APBB2: variants seen among roughly 807,000 people sequenced by gnomAD.
APBB2 encodes Fe65-like 1.
In APBB2, 38 loss-of-function variants were observed where a neutral mutation model predicts 82.5. The observed-to-expected ratio is 0.46, with a 90% CI of 0.36 to 0.60. The LOEUF (loss-of-function observed/expected upper bound fraction) is 0.60. Ranked by LOEUF, APBB2 falls within the 20% of genes least tolerant of loss-of-function variation. The probability of loss-of-function intolerance (pLI) is 0.00; values close to 1 mark genes in which losing one functional copy is unlikely to be tolerated. For missense variants in APBB2, 772 were observed against 972.3 expected (o/e 0.79, Z 2.74); for synonymous variants, 341 against 368.2 (o/e 0.93, Z 0.85).
intron 6 of APBB2, among the ~76,000 whole-genome samples, chr4:40,992,712 A>C (rs1264189307): frequency 6.6e-6 from 1 of 152,154 alleles, no homozygotes; most frequent in Non-Finnish European, 1.5e-5. Flanking sequence ...CAGGAGTATC[A>C]CGAGCAGAAG....
At chr4:41,074,480 C>A (rs1302258456) in intron 3 of APBB2, among the ~76,000 whole-genome samples, 1 of 151,990 alleles carries the variant, frequency 6.6e-6, no homozygotes, top group African/African-American at 2.4e-5. Context: ...CAGGAACCTG[C>A]AAATAGAAAG....
intron 16 of APBB2, 131 bp downstream of exon 16, chr4:40,823,513 A>C: frequency 1.5e-6 from 1 of 654,650 alleles, no homozygotes; most frequent in Non-Finnish European, 2.7e-6. Context: ...CAAATCTTTC[A>C]AATGTAGGCC....
chr4:40,958,347 AC>A (rs1264017119), intron 6 of APBB2, among the ~76,000 whole-genome samples: 7 of 152,170 alleles, frequency 4.6e-5, no homozygotes, highest in Non-Finnish European at 5.9e-5. Flanking sequence ...ACTACTGAGA[AC>A]CTCAGGCTTA....
intron 10 of APBB2, among the ~76,000 whole-genome samples, chr4:40,923,627 C>T (rs947645093): frequency 3.3e-5 from 5 of 152,252 alleles, no homozygotes; most frequent in East Asian, 1.9e-4. Context: ...GCTGCCACCG[C>T]GGCTGGCTGG....
intron 2 of APBB2, among the ~76,000 whole-genome samples, chr4:41,105,432 G>A (rs1365697208): frequency 6.6e-6 from 1 of 152,054 alleles, no homozygotes; most frequent in East Asian, 1.9e-4. Context: ...AAGAAATATG[G>A]AGCTCCAGAC....
At chr4:40,860,284 G>A (rs952335401) in intron 12 of APBB2, among the ~76,000 whole-genome samples, 1 of 152,156 alleles carries the variant, frequency 6.6e-6, no homozygotes, top group Admixed American at 6.5e-5. Flanking sequence ...GATCTGGGGT[G>A]GGCGCTTGGC....
intron 10 of APBB2, among the ~76,000 whole-genome samples, chr4:40,907,106 A>C (rs111935609): frequency 0.022 from 3,332 of 152,102 alleles, 117 homozygotes; most frequent in African/African-American, 0.076. Flanking sequence ...CTTAATCCAC[A>C]TATCAACACA....
chr4:40,891,578 T>C (rs1266974452), intron 11 of APBB2, among the ~76,000 whole-genome samples: 1 of 152,220 alleles, frequency 6.6e-6, no homozygotes, highest in Non-Finnish European at 1.5e-5. Flanking sequence ...AATACAGCTC[T>C]GATGCTCAGG....
At chr4:41,139,577 A>G (rs997883121) in intron 2 of APBB2, among the ~76,000 whole-genome samples, 17 of 152,236 alleles carry the variant, frequency 1.1e-4, no homozygotes, top group African/African-American at 4.1e-4. Context: ...ATGGAATATT[A>G]TTCAGTGCTT....
intron 6 of APBB2, among the ~76,000 whole-genome samples, chr4:40,982,278 G>GA (rs1442664765): frequency 1.1e-4 from 4 of 34,878 alleles, no homozygotes; most frequent in African/African-American, 5.6e-4. Flanking sequence ...AAGAAAGAAA[G>GA]AAAGAAGGAA....
intron 1 of APBB2, among the ~76,000 whole-genome samples, chr4:41,211,771 C>G (rs1188320934): frequency 1.3e-5 from 2 of 152,114 alleles, no homozygotes; most frequent in Non-Finnish European, 2.9e-5. Context: ...TGTTAGCCAC[C>G]GTACCCGGCC....
chr4:41,099,560 T>C (rs1744660145), intron 3 of APBB2, among the ~76,000 whole-genome samples: 1 of 152,170 alleles, frequency 6.6e-6, no homozygotes, highest in Admixed American at 6.5e-5. Context: ...CCTTACCTTA[T>C]TATAATTATT....
chr4:40,928,479 T>A (rs1188915840), intron 10 of APBB2, among the ~76,000 whole-genome samples: 1 of 151,688 alleles, frequency 6.6e-6, no homozygotes, highest in African/African-American at 2.4e-5. Context: ...CTTGGGAGGC[T>A]GAGGCAGGAG....
intron 3 of APBB2, among the ~76,000 whole-genome samples, chr4:41,066,583 G>C (rs1731911757): frequency 6.6e-6 from 1 of 152,326 alleles, no homozygotes; most frequent in South Asian, 2.1e-4. Flanking sequence ...GGACAGGTCA[G>C]GGAGGCCTTC....
chr4:40,997,023 G>A (rs1001920854), intron 6 of APBB2, among the ~76,000 whole-genome samples: 2 of 152,038 alleles, frequency 1.3e-5, no homozygotes, highest in African/African-American at 4.8e-5. Flanking sequence ...TTACATGACC[G>A]CTGCATATGG....
At chr4:40,907,275 T>C (rs1207467683) in intron 10 of APBB2, among the ~76,000 whole-genome samples, 6 of 150,298 alleles carry the variant, frequency 4.0e-5, no homozygotes, top group Non-Finnish European at 7.4e-5. Context: ...GTAATTAAGT[T>C]AAATGAGCTC....
chr4:41,092,223 A>G (rs1741968642), intron 3 of APBB2, among the ~76,000 whole-genome samples: 1 of 152,236 alleles, frequency 6.6e-6, no homozygotes, highest in South Asian at 2.1e-4. Flanking sequence ...ATTAGTTCAC[A>G]AGTAAAAGGA....
chr4:41,192,090 C>T (rs1407880828), intron 1 of APBB2, among the ~76,000 whole-genome samples: 1 of 152,128 alleles, frequency 6.6e-6, no homozygotes, highest in African/African-American at 2.4e-5. Flanking sequence ...CTATGAGGTA[C>T]CACCTCACAC....
intron 12 of APBB2, among the ~76,000 whole-genome samples, chr4:40,885,364 G>C (rs1056371005): frequency 3.9e-5 from 6 of 152,210 alleles, no homozygotes; most frequent in African/African-American, 1.2e-4. Context: ...AACCTTATAA[G>C]GGGGATAATG....
Sources: gnomAD v4.1 joint callset for allele counts (sites outside exome capture counted in the v4.1 genomes callset) on GRCh38, gnomAD v4.1.1 for gene constraint, MANE v1.5 for transcripts, NCBI Gene and HGNC (gene_info 2026-07-23, HGNC 2026-07-21) for gene names.